The following SYN3 variants were observed in gnomAD, a reference collection of about 807,000 sequenced individuals.
SYN3 encodes synapsin III, also known as synapsin-3.
SYN3 carries 35 observed loss-of-function variants against 65.8 expected under a neutral mutation model. That is an observed-to-expected ratio of 0.53 (90% CI 0.41 to 0.70). SYN3 has a LOEUF of 0.70. SYN3 is among the 30% of genes least tolerant of loss of function. SYN3 has a pLI of 0.00. For missense variants in SYN3, 680 were observed against 749.0 expected (o/e 0.91, Z 1.08); for synonymous variants, 270 against 292.9 (o/e 0.92, Z 0.80).
chr22:32,817,463 C>G (rs2047118101), intron 6 of SYN3, among the ~76,000 whole-genome samples: 1 of 152,148 alleles, frequency 6.6e-6, no homozygotes, highest in Non-Finnish European at 1.5e-5. Context: ...GCCCACTTGC[C>G]TGCCATTGTG....
chr22:32,529,127 T>C (rs2058029760), intron 10 of SYN3, 119 bp from the exon 11 acceptor site: 1 of 1,283,980 alleles, frequency 7.8e-7, no homozygotes, highest in Admixed American at 1.8e-5. Context: ...GATGGCGATG[T>C]CCTCCATGCA....
chr22:32,897,279 T>C (rs2049621214), intron 4 of SYN3, among the ~76,000 whole-genome samples: 1 of 152,188 alleles, frequency 6.6e-6, no homozygotes, highest in South Asian at 2.1e-4. Flanking sequence ...ACTCTCTCTC[T>C]AATCTCCTGA....
intron 6 of SYN3, among the ~76,000 whole-genome samples, chr22:32,766,251 C>G (rs1225975926): frequency 6.6e-6 from 1 of 152,100 alleles, no homozygotes; most frequent in Non-Finnish European, 1.5e-5. Context: ...TTCCATGACC[C>G]CAGCTGTGTA....
At chr22:32,613,916 C>A (rs777419856) in intron 6 of SYN3, among the ~76,000 whole-genome samples, 2 of 152,196 alleles carry the variant, frequency 1.3e-5, no homozygotes, top group Non-Finnish European at 2.9e-5. Flanking sequence ...ACAGTGAGCA[C>A]TTAAAACTAC....
At chr22:32,586,081 CAT>C (rs1164244445) in intron 7 of SYN3, among the ~76,000 whole-genome samples, 1 of 142,966 alleles carries the variant, frequency 7.0e-6, no homozygotes, top group Non-Finnish European at 1.5e-5. Context: ...TACATGTATA[CAT>C]GTATATATGT....
chr22:32,671,787 GCT>G (rs1269656109), intron 6 of SYN3, among the ~76,000 whole-genome samples: 6 of 140,428 alleles, frequency 4.3e-5, no homozygotes, highest in Non-Finnish European at 9.1e-5. Context: ...ACACACACAT[GCT>G]CTCACACAGG....
chr22:32,963,507 T>C lies in SYN3; in HGVS notation c.369+17138A>G, dbSNP rs147095238. The stretch of plus-strand genomic sequence containing the variant: ...TAGAGAGATGGAGAAAGCATAAGTA[T>C]ATGGATGGATGGATGGATGGATGAC... On this transcript the variant is annotated intron_variant, in intron 3 of 13. Transcript: ENST00000358763. Among the ~76,000 whole-genome samples, 481 of 152,140 alleles carry C rather than the reference T, an allele frequency of 3.2e-3. 2 individuals carry two copies. Among genetic ancestry groups the C allele is most frequent in the African/African-American group, 0.011 (449 of 41,522 alleles).
At chr22:32,910,323 G>T (rs1347562426) in intron 4 of SYN3, among the ~76,000 whole-genome samples, 3 of 152,060 alleles carry the variant, frequency 2.0e-5, no homozygotes, top group Non-Finnish European at 4.4e-5. Flanking sequence ...GGGGAGAGGA[G>T]AGCTGGAATT....
At chr22:32,556,960 A>G (rs1465905570) in intron 7 of SYN3, among the ~76,000 whole-genome samples, 1 of 151,794 alleles carries the variant, frequency 6.6e-6, no homozygotes. Flanking sequence ...CACCCAGCCT[A>G]GTCAATCTAT....
intron 6 of SYN3, among the ~76,000 whole-genome samples, chr22:32,758,940 G>C (rs1440059910): frequency 6.6e-6 from 1 of 151,354 alleles, no homozygotes; most frequent in African/African-American, 2.4e-5. Flanking sequence ...AGTGCCCATT[G>C]CTTGTGATGA....
intron 6 of SYN3, among the ~76,000 whole-genome samples, chr22:32,814,180 GAAA>G (rs869082026): frequency 3.5e-5 from 2 of 56,732 alleles, no homozygotes; most frequent in South Asian, 6.0e-4. Flanking sequence ...GAGAAAGAAA[GAAA>G]AGAAAGAAAG....
At chr22:32,736,575 G>A (rs550874866) in intron 6 of SYN3, among the ~76,000 whole-genome samples, 5 of 152,006 alleles carry the variant, frequency 3.3e-5, no homozygotes, top group Non-Finnish European at 7.4e-5. Context: ...GACCATAAAT[G>A]GAAAAAACTG....
chr22:32,926,255 A>G (rs973356090), intron 4 of SYN3, among the ~76,000 whole-genome samples: 4 of 152,238 alleles, frequency 2.6e-5, no homozygotes, highest in Non-Finnish European at 4.4e-5. Context: ...ATATGAGCAC[A>G]GATTCCTAAA....
At chr22:32,668,093 G>A (rs2060315341) in intron 6 of SYN3, among the ~76,000 whole-genome samples, 1 of 152,102 alleles carries the variant, frequency 6.6e-6, no homozygotes, top group Non-Finnish European at 1.5e-5. Context: ...GCCCAGCTTG[G>A]TTGTTCTTTA....
At chr22:32,943,987 C>T (rs1051931973) in intron 3 of SYN3, among the ~76,000 whole-genome samples, 2 of 152,140 alleles carry the variant, frequency 1.3e-5, no homozygotes, top group Non-Finnish European at 2.9e-5. Context: ...TAGACTCCCA[C>T]ACAATAATAA....
At chr22:32,582,949 T>C (rs1245386653) in intron 7 of SYN3, among the ~76,000 whole-genome samples, 1 of 152,188 alleles carries the variant, frequency 6.6e-6, no homozygotes, top group African/African-American at 2.4e-5. Context: ...AGGAGTGTCA[T>C]GACGTGAACA....
At position 32,835,363 on chromosome 22, in the gene SYN3, G is replaced by A. The variant is rs893240037; in HGVS notation, c.711+29552C>T. On this transcript the variant is annotated intron_variant, in intron 6 of 13. Transcript: ENST00000358763. ...AATTTAGTGAGTGTATGGGGGCAGG[G>A]AAGAAAGAGGATGAGACATGATTCA... Among the ~76,000 whole-genome samples the A allele has an allele frequency of 4.6e-5, 7 of 152,292 alleles. No individual in the cohort carries two copies. In the East Asian group the frequency reaches 5.8e-4, roughly 13 times the overall value.
At chr22:32,826,339 G>T (rs1333271363) in intron 6 of SYN3, among the ~76,000 whole-genome samples, 1 of 152,178 alleles carries the variant, frequency 6.6e-6, no homozygotes, top group African/African-American at 2.4e-5. Flanking sequence ...TGAGGCAGGA[G>T]AATCGCTTGA....
At chr22:33,011,929 C>T (rs903399728) in intron 1 of SYN3, among the ~76,000 whole-genome samples, 25 of 152,046 alleles carry the variant, frequency 1.6e-4, no homozygotes, top group African/African-American at 5.3e-4. Context: ...TTTGCTTTTT[C>T]TCTCTTTTTG....
Sources: allele counts gnomAD v4.1 joint callset (sites outside exome capture counted in the v4.1 genomes callset), GRCh38; gene constraint gnomAD v4.1.1; transcripts MANE v1.5; gene names NCBI Gene and HGNC (gene_info 2026-07-23, HGNC 2026-07-21).